The following RTKN2 variants were observed in gnomAD, a reference collection of about 807,000 sequenced individuals.
RTKN2 encodes rhotekin 2.
A neutral mutation model predicts 71.5 loss-of-function variants in RTKN2; 69 were observed. That is an observed-to-expected ratio of 0.96 (90% confidence interval 0.79 to 1.18). The LOEUF is 1.18. RTKN2 is among the 50% of genes most tolerant of loss of function. The probability of loss-of-function intolerance (pLI) is 0.00; values close to 1 mark genes in which losing one functional copy is unlikely to be tolerated. For synonymous variants in RTKN2, 236 were observed against 236.5 expected, an observed-to-expected ratio of 1.00 and a Z score of 0.02; for missense variants, 724 against 719.7, an observed-to-expected ratio of 1.01 and a Z score of -0.07.
chr10:62,201,276 ACT>A (rs1841435910), intron 10 of RTKN2, among the ~76,000 whole-genome samples: 1 of 152,140 alleles, frequency 6.6e-6, no homozygotes, highest in Non-Finnish European at 1.5e-5. Flanking sequence ...AGTTGAATAT[ACT>A]CTCATAGTAA....
At chr10:62,228,483 C>A (rs1395243623) in intron 6 of RTKN2, among the ~76,000 whole-genome samples, 5 of 151,914 alleles carry the variant, frequency 3.3e-5, no homozygotes, top group African/African-American at 1.2e-4. Context: ...GGTAAGCCAA[C>A]TGAAATGGTT....
At chr10:62,240,917 C>T (rs1842360777) in intron 4 of RTKN2, among the ~76,000 whole-genome samples, 1 of 152,192 alleles carries the variant, frequency 6.6e-6, no homozygotes, top group Non-Finnish European at 1.5e-5. Context: ...TGTCCTAGCA[C>T]TGGTTCCTAT....
chr10:62,223,382 C>T, intron 6 of RTKN2, 50 bp from the exon 7 acceptor site: 1 of 1,074,280 alleles, frequency 9.3e-7, no homozygotes, highest in Non-Finnish European at 1.4e-6. Context: ...ATTTCTACTA[C>T]TACACAAAAT....
At chr10:62,262,931 A>T in intron 1 of RTKN2, 110 bp from the exon 2 acceptor site, 1 of 628,614 alleles carries the variant, frequency 1.6e-6, no homozygotes, top group South Asian at 2.5e-5. Context: ...AGAAAGCAAC[A>T]AAGTTTTAAT....
chr10:62,185,769 C>T (rs1037580214), intron 8 of RTKN2, among the ~76,000 whole-genome samples: 5 of 152,220 alleles, frequency 3.3e-5, no homozygotes, highest in Admixed American at 1.3e-4. Context: ...TGACTGCTGA[C>T]TCCTCACCTT....
chr10:62,200,065 T>A (rs1242152576), intron 10 of RTKN2, among the ~76,000 whole-genome samples: 1 of 152,050 alleles, frequency 6.6e-6, no homozygotes, highest in Non-Finnish European at 1.5e-5. Flanking sequence ...AAGTAATCTA[T>A]TTAAAAAATA....
At chr10:62,202,748 T>C (rs970115974) in intron 10 of RTKN2, among the ~76,000 whole-genome samples, 1 of 152,230 alleles carries the variant, frequency 6.6e-6, no homozygotes, top group Non-Finnish European at 1.5e-5. Flanking sequence ...GATAAATTAT[T>C]TCACATAATC....
intron 2 of RTKN2, among the ~76,000 whole-genome samples, chr10:62,251,911 T>C (rs769216646): frequency 2.0e-5 from 3 of 151,562 alleles, no homozygotes; most frequent in Non-Finnish European, 4.4e-5. Flanking sequence ...CAAAGAGACA[T>C]AGTAAATGGG....
In RTKN2 at chr10:62,197,795, T is replaced by C; in HGVS notation, c.*113A>G. ...TTTTCTATACCTAATAGCTTATTAA[T>C]TATTGGTATAAATCACTATATTTAC... On this transcript the variant is annotated 3_prime_UTR_variant, in exon 12 of 12. Transcript: ENST00000373789. 5 of 1,432,108 alleles carry C rather than the reference T, an allele frequency of 3.5e-6. No homozygotes were observed. In the Admixed American group the frequency reaches 1.5e-4, roughly 42 times the overall value. The allele number at this position is 1,432,108 out of a possible 1,614,324, so 88.7% of individuals were successfully genotyped here. A position where few individuals can be genotyped will look rare whatever the true frequency, so the allele number is the denominator to read the frequency against.
intron 4 of RTKN2, 64 bp from the exon 5 acceptor site, chr10:62,239,829 T>C (rs1029762314): frequency 1.7e-5 from 14 of 805,668 alleles, no homozygotes; most frequent in Non-Finnish European, 2.7e-5. Context: ...TAAAATCTAC[T>C]TGAAAATAAA....
Position 62,186,330 on chromosome 10 carries a change from T to C in RTKN2, c.862-1943A>G, listed in dbSNP as rs1841136156. On this transcript the variant is annotated intron_variant, in intron 8 of 8. Coordinates refer to the RTKN2 transcript ENST00000315289. Reference sequence around the variant, plus strand: ...AAAGTTTCCTTTCTGTATATGTAGTTAGGTTTTGCTAAAGAAAGGTGAGTT... The same window carrying C: ...AAAGTTTCCTTTCTGTATATGTAGTCAGGTTTTGCTAAAGAAAGGTGAGTT... 2.0e-5 allele frequency among the ~76,000 whole-genome samples: 3 copies of C among 152,352 alleles called. No homozygotes were observed. In the South Asian group the frequency reaches 6.2e-4, roughly 32 times the overall value.
At chr10:62,187,819 T>C (rs934756560) in intron 8 of RTKN2, among the ~76,000 whole-genome samples, 1 of 152,164 alleles carries the variant, frequency 6.6e-6, no homozygotes, top group Non-Finnish European at 1.5e-5. Flanking sequence ...ATACTATCTG[T>C]AGCTATCCCT....
chr10:62,214,481 T>A (rs971768390), intron 9 of RTKN2, among the ~76,000 whole-genome samples: 4 of 152,120 alleles, frequency 2.6e-5, no homozygotes, highest in Non-Finnish European at 4.4e-5. Flanking sequence ...GACTACAAAA[T>A]CTCATTAGTC....
intron 6 of RTKN2, among the ~76,000 whole-genome samples, chr10:62,228,869 A>AT (rs1230527463): frequency 3.3e-5 from 5 of 152,256 alleles, no homozygotes; most frequent in African/African-American, 1.2e-4. Context: ...TACCAATGAC[A>AT]TATGAAACAA....
chr10:62,188,545 C>T (rs1343958139), downstream of RTKN2, among the ~76,000 whole-genome samples: 1 of 152,064 alleles, frequency 6.6e-6, no homozygotes, highest in Admixed American at 6.5e-5. Context: ...TTCTAAATCA[C>T]CATCCTGCTC....
Position 62,198,021 on chromosome 10 carries a change from C to T in RTKN2, c.1717G>A (p.Gly573Ser), listed in dbSNP as rs143267694. Reference sequence around the variant, plus strand: ...TTGGTTTTAGTGTCTGTGTGCTCACCATCACTTAATCTATTTCTCCTGGCA... The same window carrying T: ...TTGGTTTTAGTGTCTGTGTGCTCACTATCACTTAATCTATTTCTCCTGGCA... ...LPARRNRLSD[G>S]EHTDTKTNFE... The change falls in exon 12 of 12, where the codon GGT (glycine) becomes AGT (serine). Residue 573 changes from glycine to serine, a missense_variant. Gly to Ser is a moderately conservative substitution (Grantham distance 56). Transcript: ENST00000373789. 647 of 1,614,036 alleles carry T rather than the reference C, an allele frequency of 4.0e-4. 5 individuals are homozygous for T. Among genetic ancestry groups the T allele is most frequent in the Middle Eastern group, 3.3e-4 (2 of 6,062 alleles).
intron 6 of RTKN2, among the ~76,000 whole-genome samples, chr10:62,232,410 G>A (rs1045763400): frequency 1.3e-5 from 2 of 150,770 alleles, no homozygotes; most frequent in South Asian, 2.1e-4. Flanking sequence ...AACCTCCCAG[G>A]CTCAGGTGAT....
intron 10 of RTKN2, among the ~76,000 whole-genome samples, chr10:62,200,312 G>A (rs954610319): frequency 3.8e-5 from 5 of 131,762 alleles, no homozygotes; most frequent in Non-Finnish European, 3.1e-5. Context: ...ACAATGAGCC[G>A]AGATTGCACC....
At chr10:62,233,045 C>T (rs1420464366) in intron 6 of RTKN2, among the ~76,000 whole-genome samples, 4 of 152,102 alleles carry the variant, frequency 2.6e-5, no homozygotes, top group Non-Finnish European at 5.9e-5. Context: ...TTTTTACATG[C>T]TGTAAAGGTG....
Sources: gnomAD v4.1 joint callset for allele counts (sites outside exome capture counted in the v4.1 genomes callset) on GRCh38, gnomAD v4.1.1 for gene constraint, MANE v1.5 for transcripts, NCBI Gene and HGNC (gene_info 2026-07-23, HGNC 2026-07-21) for gene names.